The following PXYLP1 variants were observed in gnomAD, a reference collection of about 807,000 sequenced individuals.
PXYLP1 encodes acid phosphatase-like 2.
A neutral mutation model predicts 37.9 loss-of-function variants in PXYLP1; 17 were observed. The observed-to-expected ratio is 0.45, with a 90% CI of 0.31 to 0.67. PXYLP1 has a LOEUF of 0.67. PXYLP1 is among the 30% of genes least tolerant of loss of function. PXYLP1 has a pLI of 0.07. For synonymous variants in PXYLP1, 221 were observed against 232.2 expected, an observed-to-expected ratio of 0.95 and a Z score of 0.44; for missense variants, 511 against 612.0, an observed-to-expected ratio of 0.84 and a Z score of 1.74.
At chr3:141,273,616 T>A (rs1941721236) in intron 2 of PXYLP1, 2 of 985,298 alleles carry the variant, frequency 2.0e-6, no homozygotes, top group South Asian at 9.4e-5. Context: ...CCCAAGGAGA[T>A]GCTTTAGAGG....
At chr3:141,260,348 G>A (rs1372226000) in intron 2 of PXYLP1, 94 bp downstream of exon 2, 2 of 1,378,360 alleles carry the variant, frequency 1.5e-6, no homozygotes, top group East Asian at 2.3e-5. Context: ...TGAATGATGA[G>A]GCTGAAGACA....
At position 141,235,711 on chromosome 3, in the gene PXYLP1, G is replaced by A. The variant is rs115360476; in HGVS notation, c.-54+3800G>A. ...CTGCTGTGCAGCCTTGCAGGTAAAC[G>A]ACGGCCCATTGGAGCCTCTCAACCT... On this transcript the variant is annotated intron_variant, in intron 1 of 5. Coordinates refer to ENST00000286353, the MANE Select transcript of PXYLP1 (RefSeq NM_001037172.3). Among the ~76,000 whole-genome samples the A allele has an allele frequency of 3.3e-3, 496 of 152,334 alleles. 3 individuals carry two copies. Among genetic ancestry groups the A allele is most frequent in the Non-Finnish European group, 3.4e-3 (230 of 68,036 alleles).
At chr3:141,257,682 A>G (rs1176117985) in intron 1 of PXYLP1, among the ~76,000 whole-genome samples, 1 of 152,074 alleles carries the variant, frequency 6.6e-6, no homozygotes, top group Non-Finnish European at 1.5e-5. Context: ...CAGGCAGATC[A>G]CCTGAGATCA....
At chr3:141,262,284 A>T (rs1941410110) in intron 2 of PXYLP1, 2 of 994,312 alleles carry the variant, frequency 2.0e-6, no homozygotes, top group African/African-American at 3.5e-5. Context: ...TCAGAAGTTT[A>T]AAAATATTCC....
chr3:141,251,964 C>T (rs894537951), intron 1 of PXYLP1, among the ~76,000 whole-genome samples: 2 of 152,134 alleles, frequency 1.3e-5, no homozygotes, highest in African/African-American at 4.8e-5. Flanking sequence ...AGGTACTGTA[C>T]CATGTTCCTT....
At chr3:141,272,062 C>T (rs1026105943) in intron 2 of PXYLP1, among the ~76,000 whole-genome samples, 2 of 152,140 alleles carry the variant, frequency 1.3e-5, no homozygotes, top group African/African-American at 4.8e-5. Flanking sequence ...AGAAGAAGGC[C>T]ACATATGCAG....
chr3:141,282,633 A>C lies in PXYLP1; in HGVS notation c.365+3129A>C, dbSNP rs75406938. Reference sequence around the variant, plus strand: ...TTCCAAGTGCTTAGGACAGTGACTGACATATGAGTGGTGGGGTGTGATTAA... The same window carrying C: ...TTCCAAGTGCTTAGGACAGTGACTGCCATATGAGTGGTGGGGTGTGATTAA... On this transcript the variant is annotated intron_variant, in intron 4 of 5. Coordinates refer to ENST00000286353, the MANE Select transcript of PXYLP1 (RefSeq NM_001037172.3). 6.5e-3 allele frequency among the ~76,000 whole-genome samples: 985 copies of C among 152,326 alleles called. 16 individuals are homozygous for C. The highest frequency in any genetic ancestry group is 0.022 in the African/African-American group (926 of 41,566).
chr3:141,265,683 A>G (rs538361794), intron 2 of PXYLP1, among the ~76,000 whole-genome samples: 2 of 152,250 alleles, frequency 1.3e-5, no homozygotes, highest in African/African-American at 4.8e-5. Context: ...CTACCATGGC[A>G]CCCAGGAGTC....
At chr3:141,291,316 G>A (rs541701430) in intron 5 of PXYLP1, among the ~76,000 whole-genome samples, 5 of 151,970 alleles carry the variant, frequency 3.3e-5, no homozygotes, top group African/African-American at 4.8e-5. Flanking sequence ...TTTTGTCTTG[G>A]GTTGCCTTCT....
At chr3:141,232,130 C>T (rs1246048896) in intron 1 of PXYLP1, 1 of 152,644 alleles carries the variant, frequency 6.6e-6, no homozygotes, top group Non-Finnish European at 1.5e-5. Flanking sequence ...CGCCCCTGAG[C>T]CTAGGACTTG....
At chr3:141,282,423 A>G (rs758901757) in intron 4 of PXYLP1, among the ~76,000 whole-genome samples, 16 of 151,844 alleles carry the variant, frequency 1.1e-4, no homozygotes, top group Non-Finnish European at 1.8e-4. Flanking sequence ...CTGGTCTCCC[A>G]CAGCCCCCTT....
chr3:141,273,058 C>A (rs1941707322), intron 2 of PXYLP1: 1 of 985,374 alleles, frequency 1.0e-6, no homozygotes, highest in Non-Finnish European at 1.2e-6. Context: ...CAACCAGCAA[C>A]CAGTGAGTGC....
At chr3:141,272,309 G>A (rs898579110) in intron 2 of PXYLP1, among the ~76,000 whole-genome samples, 8 of 152,116 alleles carry the variant, frequency 5.3e-5, no homozygotes, top group Non-Finnish European at 1.2e-4. Flanking sequence ...GCTAGACAGG[G>A]GTTTGTGGCC....
chr3:141,272,837 C>T (rs1405873957), intron 2 of PXYLP1: 7 of 313,404 alleles, frequency 2.2e-5, no homozygotes, highest in Non-Finnish European at 3.2e-5. Context: ...ATTGTGCCCA[C>T]CCAGATTGAG....
At position 141,257,904 on chromosome 3, in the gene PXYLP1, CAAAAAAAA is replaced by C. The variant is rs59070598; in HGVS notation, c.-53-2204_-53-2197del. Reference sequence around the variant, plus strand: ...GGGCTACAAGAGCGAAACTCTGTCTCAAAAAAAAAAAAAAAAAAAAAAGAGAGAGAGAG... The same window carrying C: ...GGGCTACAAGAGCGAAACTCTGTCTCAAAAAAAAAAAAAAGAGAGAGAGAG... On this transcript the variant is annotated intron_variant, in intron 1 of 5. Coordinates refer to ENST00000286353, the MANE Select transcript of PXYLP1 (RefSeq NM_001037172.3). 1.0e-4 allele frequency among the ~76,000 whole-genome samples: 8 copies of C among 79,446 alleles called. No individual in the cohort carries two copies. The East Asian group carries it at 2.6e-3, about 26-fold the overall frequency. The allele number at this position is 79,446 out of a possible 152,430, so 52.1% of individuals were successfully genotyped here.
intron 2 of PXYLP1, among the ~76,000 whole-genome samples, chr3:141,270,936 G>T (rs956304754): frequency 6.6e-6 from 1 of 152,150 alleles, no homozygotes; most frequent in African/African-American, 2.4e-5. Context: ...TGTCACCCAG[G>T]CTGGAATGCA....
chr3:141,263,711 C>T (rs1202362656), intron 2 of PXYLP1, among the ~76,000 whole-genome samples: 2 of 152,232 alleles, frequency 1.3e-5, no homozygotes, highest in Non-Finnish European at 2.9e-5. Context: ...GACAGGAGCA[C>T]GCAGGCTCTA....
chr3:141,290,505 A>G (rs1942177712), intron 5 of PXYLP1, among the ~76,000 whole-genome samples: 1 of 152,226 alleles, frequency 6.6e-6, no homozygotes, highest in Non-Finnish European at 1.5e-5. Context: ...TAACTTGACC[A>G]GGGAGAAGAA....
chr3:141,241,661 G>A (rs1488201416), intron 1 of PXYLP1, among the ~76,000 whole-genome samples: 1 of 152,228 alleles, frequency 6.6e-6, no homozygotes. Context: ...AGAGTCGTGC[G>A]AGATGGTGTG....
Sources: allele counts gnomAD v4.1 joint callset (sites outside exome capture counted in the v4.1 genomes callset), GRCh38; gene constraint gnomAD v4.1.1; transcripts MANE v1.5; gene names NCBI Gene and HGNC (gene_info 2026-07-23, HGNC 2026-07-21).